ANXA9: variants seen among roughly 807,000 people sequenced by gnomAD.
The protein encoded by ANXA9 is annexin A9.
Under a neutral mutation model 51.8 loss-of-function variants are expected in ANXA9, and 47 were observed. The ratio of observed to expected loss-of-function variants is 0.91; its 90% CI spans 0.72 to 1.16. ANXA9 has a LOEUF of 1.16. ANXA9 is among the 50% of genes most tolerant of loss of function. The pLI, the probability that ANXA9 is intolerant of heterozygous loss-of-function variation, is 0.00. For missense variants in ANXA9, 361 were observed against 424.7 expected, an observed-to-expected ratio of 0.85 and a Z score of 1.32; for synonymous variants, 154 against 168.7, an observed-to-expected ratio of 0.91 and a Z score of 0.68.
chr1:150,977,479 G>A (rs1671357650), upstream of ANXA9, among the ~76,000 whole-genome samples: 2 of 152,300 alleles, frequency 1.3e-5, no homozygotes, highest in Non-Finnish European at 2.9e-5. Context: ...GCATGGCCAC[G>A]CCCACAGTGC....
rs980017029 is a variant in ANXA9, at chr1:150,987,278, C to T, written c.613-594C>T. On this transcript the variant is annotated intron_variant, in intron 9 of 13. Coordinates refer to ENST00000368947, the MANE Select transcript of ANXA9 (RefSeq NM_003568.3). ...GGCTGAGGTGGGAGGATCGCTTGAG[C>T]CTGGGAAGTTGAGGCTGAGGTAAGC... 2.0e-5 allele frequency among the ~76,000 whole-genome samples: 3 copies of T among 151,756 alleles called. 1 individual carries two copies. Among genetic ancestry groups the T allele is most frequent in the African/African-American group, 4.8e-5 (2 of 41,282 alleles).
At chr1:150,988,249 T>G in intron 11 of ANXA9, 34 bp from the exon 12 acceptor site, 5 of 1,614,146 alleles carry the variant, frequency 3.1e-6, no homozygotes, top group Non-Finnish European at 3.4e-6. Context: ...GTGGTCCTAG[T>G]TGTGAACCTC....
intron 12 of ANXA9, among the ~76,000 whole-genome samples, chr1:150,993,356 T>C (rs1671750299): frequency 2.0e-5 from 3 of 152,064 alleles, no homozygotes; most frequent in Admixed American, 2.0e-4. Flanking sequence ...TGTCCCAGGC[T>C]GGAGTGCAGT....
At chr1:150,985,723 A>C (rs1671540536) in intron 7 of ANXA9, among the ~76,000 whole-genome samples, 1 of 152,010 alleles carries the variant, frequency 6.6e-6, no homozygotes, top group African/African-American at 2.4e-5. Context: ...TGCCACCACC[A>C]TGCCCAGCTA....
intron 12 of ANXA9, among the ~76,000 whole-genome samples, chr1:150,990,498 C>A (rs1379401257): frequency 6.6e-6 from 1 of 152,150 alleles, no homozygotes; most frequent in Non-Finnish European, 1.5e-5. Flanking sequence ...TCTTAAGTAG[C>A]TGGGATTACA....
At chr1:150,980,811 C>T (rs1671403267), upstream of ANXA9, among the ~76,000 whole-genome samples, 1 of 151,940 alleles carries the variant, frequency 6.6e-6, no homozygotes, top group Admixed American at 6.6e-5. Flanking sequence ...CGATCTCCTG[C>T]CTCATGATCC....
intron 12 of ANXA9, among the ~76,000 whole-genome samples, chr1:150,993,639 T>C (rs1671761043): frequency 6.8e-6 from 1 of 147,366 alleles, no homozygotes. Flanking sequence ...CTTTCTTTTT[T>C]TTTTTTTTTT....
At chr1:150,983,924 AT>A (rs781606648) in intron 4 of ANXA9, 50 bp from the exon 5 acceptor site, 1 of 1,553,996 alleles carries the variant, frequency 6.4e-7, no homozygotes. Flanking sequence ...GAGTAGGAAC[AT>A]CCCACTATGT....
In ANXA9 at chr1:150,994,832, G is replaced by C. The variant is rs1671796098; in HGVS notation, c.975+133G>C. ...TAGTTAGCCAGGCACAGTGGCTCAC[G>C]CCTGTAATCCCAGCACTTTGAGAGG... is the stretch of plus-strand genomic sequence containing the variant. On this transcript the variant is annotated intron_variant, in intron 13 of 13. Coordinates refer to ENST00000368947, the MANE Select transcript of ANXA9 (RefSeq NM_003568.3). The C allele has an allele frequency of 1.2e-5, 17 of 1,468,274 alleles. 1 individual carries two copies. In the South Asian group the frequency reaches 2.0e-4, roughly 18 times the overall value. 91.0% of individuals were successfully genotyped at this position (1,468,274 alleles called of 1,614,324 possible). A position where few individuals can be genotyped will look rare whatever the true frequency, so the allele number is the denominator to read the frequency against.
At chr1:150,993,823 C>T (rs367761939) in intron 12 of ANXA9, among the ~76,000 whole-genome samples, 2 of 150,132 alleles carry the variant, frequency 1.3e-5, no homozygotes, top group East Asian at 2.0e-4. Flanking sequence ...TTAGTAGAGA[C>T]GGGGTTTCAC....
intron 3 of ANXA9, 69 bp downstream of exon 3, chr1:150,983,249 AG>A: frequency 6.3e-7 from 1 of 1,599,766 alleles, no homozygotes; most frequent in Admixed American, 1.7e-5. Flanking sequence ...GATGGGAGGC[AG>A]GAAAGTGGAG....
Position 150,988,316 on chromosome 1 carries a change from C to G in ANXA9, c.827C>G (p.Ala276Gly), listed in dbSNP as rs886647329. ...ATCAAGAACACACCGCTGTACTTTG[C>G]TGACAAACTTCATCAAGCCCTCCAG... ...SVIKNTPLYF[A>G]DKLHQALQET... The change falls in exon 12 of 14, where the codon GCT becomes GGT. Residue 276 changes from alanine to glycine, a missense_variant. Coordinates refer to ENST00000368947, the MANE Select transcript of ANXA9 (RefSeq NM_003568.3). The G allele has an allele frequency of 6.2e-7, 1 of 1,614,168 alleles. No individual in the cohort carries two copies. The highest frequency in any genetic ancestry group is 8.5e-7 in the Non-Finnish European group (1 of 1,180,024).
intron 7 of ANXA9, 110 bp from the exon 8 acceptor site, chr1:150,986,226 G>C: frequency 2.2e-6 from 2 of 890,164 alleles, no homozygotes; most frequent in Admixed American, 2.0e-5. Flanking sequence ...ACTCCAAGCA[G>C]GGGCTAGCAG....
chr1:150,980,956 G>C (rs906461515), upstream of ANXA9, among the ~76,000 whole-genome samples: 3 of 151,994 alleles, frequency 2.0e-5, no homozygotes, highest in Admixed American at 1.3e-4. Context: ...GTGGTGTTTG[G>C]TTACATGGAT....
intron 13 of ANXA9, chr1:150,994,909 T>C (rs1671801253): frequency 2.9e-6 from 2 of 683,640 alleles, no homozygotes; most frequent in Non-Finnish European, 1.8e-6. Flanking sequence ...CTGACCAACA[T>C]GGTGAAACCC....
At chr1:150,982,959 T>C (rs141070361) in intron 2 of ANXA9, 131 bp from the exon 3 acceptor site, 38 of 647,986 alleles carry the variant, frequency 5.9e-5, no homozygotes, top group African/African-American at 4.4e-4. Context: ...CCTAAGCAGG[T>C]TGATCTTTTT....
At position 150,995,368 on chromosome 1, in the gene ANXA9, C is replaced by T. The variant is rs1671826050; in HGVS notation, c.*46C>T. On this transcript the variant is annotated 3_prime_UTR_variant, in exon 14 of 14. Transcript: ENST00000368947. ...CATGACATCCGAGGATCTGAGATTT[C>T]CGTGTTTGGCTGAACCTGGGAGACC... 3 of 1,561,034 alleles carry T rather than the reference C, an allele frequency of 1.9e-6. No homozygotes were observed. The highest frequency in any genetic ancestry group is 2.6e-6 in the Non-Finnish European group (3 of 1,150,218).
At position 150,984,063 on chromosome 1, in the gene ANXA9, C is replaced by G. The variant is rs763864001; in HGVS notation, c.261C>G (p.Thr87=). The G allele has an allele frequency of 5.6e-6, 9 of 1,610,380 alleles. No individual in the cohort carries two copies. In the East Asian group the frequency reaches 2.0e-4, roughly 36 times the overall value. ...TCTCACGAAACTTCCAGGAGCGCAC[C>G]CAACAGGTGAGGCCATGCTGACCTC... ...QLISRNFQER[T]QQDLMKSLQA... The change falls in exon 5 of 14, where the codon ACC becomes ACG. Residue 87 remains threonine, a synonymous_variant. Transcript: ENST00000368947.
upstream of ANXA9, among the ~76,000 whole-genome samples, chr1:150,979,191 G>T (rs2102781776): frequency 6.6e-6 from 1 of 151,324 alleles, no homozygotes; most frequent in Non-Finnish European, 1.5e-5. Context: ...TCACAGGCAA[G>T]GACTTCGCTT....
Sources: gnomAD v4.1 joint callset for allele counts (sites outside exome capture counted in the v4.1 genomes callset) on GRCh38, gnomAD v4.1.1 for gene constraint, MANE v1.5 for transcripts, NCBI Gene and HGNC (gene_info 2026-07-23, HGNC 2026-07-21) for gene names.